FBN3: variants seen among roughly 807,000 people sequenced by gnomAD.
The protein encoded by FBN3 is fibrillin 3.
Under a neutral mutation model 330.1 loss-of-function variants are expected in FBN3, and 234 were observed. The observed-to-expected ratio is 0.71, with a 90% CI of 0.64 to 0.79. The LOEUF is 0.79. Among genes scored for constraint, FBN3 ranks in the 30% least tolerant of loss-of-function variants. The probability of loss-of-function intolerance (pLI) is 0.00; values close to 1 mark genes in which losing one functional copy is unlikely to be tolerated. For missense variants in FBN3, 3,606 were observed against 3,886.9 expected (o/e 0.93, Z 1.92); for synonymous variants, 1,458 against 1,517.3 (o/e 0.96, Z 0.91).
chr19:8,130,639 A>AGAAAGGAAAG (rs375880055), intron 16 of FBN3, among the ~76,000 whole-genome samples: 1 of 3,962 alleles, frequency 2.5e-4, no homozygotes, highest in Non-Finnish European at 4.8e-4. Context: ...AAAGAAAGAA[A>AGAAAGGAAAG]GAAAGGAAAG....
chr19:8,081,513 G>A (rs1282759471), intron 57 of FBN3, 33 bp from the exon 58 acceptor site: 1 of 1,565,802 alleles, frequency 6.4e-7, no homozygotes. Context: ...GTGGGGCGGG[G>A]TTAGACAGAC....
chr19:8,137,553 T>C (rs2083317809), intron 10 of FBN3, among the ~76,000 whole-genome samples: 3 of 152,076 alleles, frequency 2.0e-5, no homozygotes, highest in African/African-American at 7.2e-5. Flanking sequence ...GCCTAAATCC[T>C]ACATGACAGA....
At chr19:8,123,647 A>C (rs1220014659) in intron 23 of FBN3, 58 bp from the exon 24 acceptor site, 1 of 1,606,966 alleles carries the variant, frequency 6.2e-7, no homozygotes, top group Admixed American at 1.7e-5. Flanking sequence ...TCCATACACC[A>C]AGCCCTCCCT....
At chr19:8,123,128 C>A (rs62126085) in intron 24 of FBN3, among the ~76,000 whole-genome samples, 1 of 151,676 alleles carries the variant, frequency 6.6e-6, no homozygotes, top group Non-Finnish European at 1.5e-5. Context: ...CCGAGGTGGG[C>A]GGATCACCTG....
At chr19:8,117,388 T>C in intron 27 of FBN3, 76 bp downstream of exon 27, 3 of 1,545,092 alleles carry the variant, frequency 1.9e-6, no homozygotes, top group East Asian at 2.4e-5. Context: ...GGAGTTGAGG[T>C]GAGGACAGGA....
chr19:8,142,333 T>G (rs981161412), intron 6 of FBN3, among the ~76,000 whole-genome samples, 196 bp from the exon 7 acceptor site: 1 of 152,146 alleles, frequency 6.6e-6, no homozygotes, highest in Admixed American at 6.5e-5. Context: ...ACCCTTTTTC[T>G]TCAAAGCATT....
chr19:8,139,663 G>T (rs1244792304), intron 8 of FBN3, among the ~76,000 whole-genome samples: 1 of 151,790 alleles, frequency 6.6e-6, no homozygotes, highest in Non-Finnish European at 1.5e-5. Flanking sequence ...CAGCCCCCGG[G>T]GTGACTGAGG....
rs2081378717 is a variant in FBN3 at position 8,065,930 on chromosome 19, GC to G, written c.8418del (p.Gln2807SerfsTer43). ...GAGGCTCCTCCCAACTAAAGCAACT[GC>G]AGCTGCACCTTCAGCCTCAAGGCCT... is the stretch of plus-strand genomic sequence containing the variant. ...WGQALRLKVQ[L>X]QLL On this transcript the variant is annotated frameshift_variant, in exon 64 of 64. Coordinates refer to ENST00000600128, the MANE Select transcript of FBN3 (RefSeq NM_032447.5). LOFTEE classifies it high-confidence loss of function. The G allele has an allele frequency of 1.3e-6, 2 of 1,576,684 alleles. No individual in the cohort carries two copies. Among genetic ancestry groups the G allele is most frequent in the East Asian group, 2.3e-5 (1 of 44,318 alleles).
At chr19:8,089,808 G>A (rs1024554991) in intron 50 of FBN3, 86 bp downstream of exon 50, 48 of 1,531,484 alleles carry the variant, frequency 3.1e-5, no homozygotes, top group Non-Finnish European at 4.2e-5. Flanking sequence ...CTCTCAGGGG[G>A]AGCCTGAAAC....
chr19:8,101,837 G>A (rs571368507), intron 40 of FBN3, among the ~76,000 whole-genome samples: 16 of 152,306 alleles, frequency 1.1e-4, no homozygotes, highest in African/African-American at 3.4e-4. Flanking sequence ...CTGAATTCTC[G>A]AAATCTGCAA....
At chr19:8,104,546 T>C (rs916915776) in intron 38 of FBN3, among the ~76,000 whole-genome samples, 1 of 151,930 alleles carries the variant, frequency 6.6e-6, no homozygotes, top group Non-Finnish European at 1.5e-5. Flanking sequence ...ATGACCTGAG[T>C]TCATGAGTCA....
At chr19:8,124,089 C>T in intron 22 of FBN3, 81 bp from the exon 23 acceptor site, 4 of 1,236,620 alleles carry the variant, frequency 3.2e-6, no homozygotes, top group Non-Finnish European at 4.6e-6. Flanking sequence ...CAGTCACTCC[C>T]ATCGGAAACT....
intron 13 of FBN3, 25 bp downstream of exon 13, chr19:8,135,936 G>GGGGGGGGGGGGGGCGCCCCCCCCCCC: frequency 6.0e-6 from 4 of 668,774 alleles, no homozygotes; most frequent in Non-Finnish European, 9.6e-6. Context: ...GGAAGCCCCT[G>GGGGGGGGGGGGGGCGCCCCCCCCCCC]CCCACCCGCC....
At chr19:8,079,241 C>A (rs2081716458) in intron 59 of FBN3, among the ~76,000 whole-genome samples, 1 of 152,116 alleles carries the variant, frequency 6.6e-6, no homozygotes, top group South Asian at 2.1e-4. Flanking sequence ...CATTAAGAGA[C>A]TCCATCTCTA....
At chr19:8,114,540 G>A (rs2082664918) in intron 30 of FBN3, among the ~76,000 whole-genome samples, 1 of 152,068 alleles carries the variant, frequency 6.6e-6, no homozygotes, top group African/African-American at 2.4e-5. Flanking sequence ...GAGCTACCCT[G>A]CCCAGGCTAA....
chr19:8,128,320 T>G (rs1240012740), intron 18 of FBN3, among the ~76,000 whole-genome samples: 2 of 151,934 alleles, frequency 1.3e-5, no homozygotes, highest in African/African-American at 4.8e-5. Flanking sequence ...TCCCAGCACT[T>G]TGGGAGGCTG....
At chr19:8,148,698 G>C (rs1417362981) in intron 1 of FBN3, 1 of 152,334 alleles carries the variant, frequency 6.6e-6, no homozygotes, top group African/African-American at 2.4e-5. Context: ...TGGAGAATGG[G>C]CGGGGAGCCC....
At chr19:8,069,105 G>A (rs2145338239) in intron 63 of FBN3, among the ~76,000 whole-genome samples, 1 of 152,326 alleles carries the variant, frequency 6.6e-6, no homozygotes, top group East Asian at 1.9e-4. Context: ...AGAGCTGACA[G>A]TGAGAGAAAC....
Position 8,138,241 on chromosome 19 carries a change from T to C in FBN3, c.1101A>G (p.Gly367=). The change falls in exon 10 of 64, where the codon GGA becomes GGG. Residue 367 remains glycine, a synonymous_variant. Coordinates refer to ENST00000600128, the MANE Select transcript of FBN3 (RefSeq NM_032447.5). ...PGLFPGLLGF[G]SNGMGPPLGP... is the part of the protein sequence containing the mutation. ...CAAGAGGGGGACCCATGCCATTGGA[T>C]CCGAAGCCCAGGAGGCCAGGGAAGA... The C allele has an allele frequency of 6.2e-7, 1 of 1,612,098 alleles. No homozygotes were observed. Among genetic ancestry groups the C allele is most frequent in the Non-Finnish European group, 8.5e-7 (1 of 1,179,466 alleles).
Sources: gnomAD v4.1 joint callset for allele counts (sites outside exome capture counted in the v4.1 genomes callset) on GRCh38, gnomAD v4.1.1 for gene constraint, MANE v1.5 for transcripts, NCBI Gene and HGNC (gene_info 2026-07-23, HGNC 2026-07-21) for gene names.